Variants in PRPF4 observed in about 807,000 individuals in gnomAD.
The protein encoded by PRPF4 is U4/U6 small nuclear ribonucleoprotein Prp4.
Under a neutral mutation model 72.2 loss-of-function variants are expected in PRPF4, and 14 were observed. That is an observed-to-expected ratio of 0.19 (90% CI 0.13 to 0.30). PRPF4 has a LOEUF of 0.30. PRPF4 is among the 10% of genes least tolerant of loss of function. The pLI is 1.00. For missense variants in PRPF4, 478 were observed against 653.9 expected (o/e 0.73, Z 2.93); for synonymous variants, 225 against 232.2 (o/e 0.97, Z 0.28).
At chr9:113,276,834 TA>T (rs1588007365) in intron 2 of PRPF4, 109 bp downstream of exon 2, 5 of 1,237,492 alleles carry the variant, frequency 4.0e-6, no homozygotes, top group East Asian at 4.9e-5. Context: ...TTTTTTTTTT[TA>T]AACAGAGTCT....
chr9:113,281,005 T>C (rs2118603357), intron 3 of PRPF4, among the ~76,000 whole-genome samples: 1 of 152,230 alleles, frequency 6.6e-6, no homozygotes, highest in Admixed American at 6.5e-5. Context: ...CATGCCTGGC[T>C]AATTTCTGTA....
intron 2 of PRPF4, among the ~76,000 whole-genome samples, chr9:113,278,647 C>T (rs1406871280): frequency 1.3e-5 from 2 of 152,214 alleles, no homozygotes; most frequent in East Asian, 1.9e-4. Flanking sequence ...CTAGTTAACT[C>T]ATTTGCAAAA....
chr9:113,283,682 G>A (rs1370028305), intron 6 of PRPF4, among the ~76,000 whole-genome samples, 200 bp downstream of exon 6: 6 of 152,084 alleles, frequency 3.9e-5, no homozygotes, highest in Non-Finnish European at 7.4e-5. Context: ...GAGGCCTATG[G>A]TTCTATTCTT....
At chr9:113,277,624 G>C (rs1244729826) in intron 2 of PRPF4, among the ~76,000 whole-genome samples, 1 of 152,068 alleles carries the variant, frequency 6.6e-6, no homozygotes, top group Non-Finnish European at 1.5e-5. Flanking sequence ...GACCTCAAAT[G>C]ATCCGCCCAC....
chr9:113,282,353 TCC>T (rs1400380485), intron 3 of PRPF4, among the ~76,000 whole-genome samples: 1 of 151,950 alleles, frequency 6.6e-6, no homozygotes, highest in East Asian at 1.9e-4. Context: ...GTACATGTAG[TCC>T]CAGCCACTCG....
intron 3 of PRPF4, among the ~76,000 whole-genome samples, chr9:113,280,935 G>T (rs1832263014): frequency 6.6e-6 from 1 of 152,082 alleles, no homozygotes; most frequent in Admixed American, 6.5e-5. Context: ...CCACCTCCCA[G>T]GTACAAGCCA....
intron 9 of PRPF4, 24 bp downstream of exon 9, chr9:113,286,852 C>T (rs1188215303): frequency 1.2e-6 from 2 of 1,613,846 alleles, no homozygotes; most frequent in Admixed American, 3.3e-5. Context: ...TTCTGTGGCC[C>T]ATACTGCCAT....
intron 6 of PRPF4, 139 bp downstream of exon 6, chr9:113,283,621 AAGG>A (rs1319769395): frequency 1.3e-6 from 1 of 794,558 alleles, no homozygotes; most frequent in Non-Finnish European, 2.0e-6. Flanking sequence ...TGTGACATGG[AAGG>A]AGCCATCAGT....
At chr9:113,290,628 C>G in intron 11 of PRPF4, 40 bp downstream of exon 11, 1 of 1,614,112 alleles carries the variant, frequency 6.2e-7, no homozygotes, top group East Asian at 2.2e-5. Context: ...GTTCAGTACT[C>G]TCACCTCTTA....
intron 10 of PRPF4, 43 bp from the exon 11 acceptor site, chr9:113,290,423 A>G (rs771731199): frequency 6.2e-7 from 1 of 1,613,350 alleles, no homozygotes; most frequent in South Asian, 1.1e-5. Flanking sequence ...GTAGAAACTG[A>G]ATAAATATCA....
In PRPF4 at chr9:113,291,814, C is replaced by A; in HGVS notation, c.*154C>A. The A allele has an allele frequency of 1.3e-6, 1 of 773,856 alleles. No individual in the cohort carries two copies. The allele number at this position is 773,856 out of a possible 1,614,324, so 47.9% of individuals were successfully genotyped here. A position where few individuals can be genotyped will look rare whatever the true frequency, so the allele number is the denominator to read the frequency against. On this transcript the variant is annotated 3_prime_UTR_variant, in exon 14 of 14. Transcript: ENST00000374198. The stretch of plus-strand genomic sequence containing the variant: ...TTGGATTTCCATGTCAGCCCCCACT[C>A]CAGGAAGGCAGCCCAATCCCTAGGT...
chr9:113,289,604 T>A (rs1832550059), intron 10 of PRPF4, among the ~76,000 whole-genome samples: 1 of 152,238 alleles, frequency 6.6e-6, no homozygotes, highest in African/African-American at 2.4e-5. Flanking sequence ...CCTGGTTTTT[T>A]AAATTGTGTT....
chr9:113,288,004 C>G (rs972525216), intron 9 of PRPF4, among the ~76,000 whole-genome samples, 171 bp from the exon 10 acceptor site: 6 of 152,226 alleles, frequency 3.9e-5, no homozygotes, highest in African/African-American at 1.4e-4. Context: ...AATCCAGGTA[C>G]TCCTTTGGTG....
At chr9:113,278,908 G>A (rs764797086) in intron 2 of PRPF4, 37 bp from the exon 3 acceptor site, 25 of 1,598,768 alleles carry the variant, frequency 1.6e-5, no homozygotes, top group Non-Finnish European at 2.1e-5. Context: ...TCTATTTGAA[G>A]AAGATCTGCT....
intron 1 of PRPF4, among the ~76,000 whole-genome samples, chr9:113,276,193 C>T (rs1832088902): frequency 6.6e-6 from 1 of 152,236 alleles, no homozygotes; most frequent in African/African-American, 2.4e-5. Flanking sequence ...GTTATTTCAT[C>T]TATCCTTAGT....
At position 113,290,930 on chromosome 9, in the gene PRPF4, C is replaced by A; in HGVS notation, c.1286C>A (p.Thr429Asn). The A allele has an allele frequency of 6.2e-7, 1 of 1,614,200 alleles. No individual in the cohort carries two copies. The highest frequency in any genetic ancestry group is 8.5e-7 in the Non-Finnish European group (1 of 1,180,042). The change falls in exon 13 of 14, where the codon ACC (threonine) becomes AAC (asparagine). Residue 429 changes from threonine (T) to asparagine (N), a missense_variant. By Grantham distance (65) the Thr-to-Asn change is moderately conservative (BLOSUM62 0). Coordinates refer to ENST00000374198, the MANE Select transcript of PRPF4 (RefSeq NM_001244926.2). Reference sequence around the variant, plus strand: ...ATTGCAACCGGCAGTGGTGACAACACCTGCAAAGTGTGGGACCTCCGACAG... The same window carrying A: ...ATTGCAACCGGCAGTGGTGACAACAACTGCAAAGTGTGGGACCTCCGACAG... ...YHIATGSGDNTCKVWDLRQRR... is the reference protein window; with the variant it reads ...YHIATGSGDNNCKVWDLRQRR...
At chr9:113,286,941 C>T (rs933938541) in intron 9 of PRPF4, 113 bp downstream of exon 9, 10 of 1,447,652 alleles carry the variant, frequency 6.9e-6, no homozygotes, top group African/African-American at 1.4e-5. Flanking sequence ...CAGTGGCTCA[C>T]ACCTTAAGGC....
intron 5 of PRPF4, 53 bp downstream of exon 5, chr9:113,283,264 T>G: frequency 6.2e-7 from 1 of 1,614,038 alleles, no homozygotes; most frequent in Non-Finnish European, 8.5e-7. Flanking sequence ...GTGTGTTTCC[T>G]CTCAGGAACT....
At chr9:113,278,839 TAGAC>T (rs1193651149) in intron 2 of PRPF4, 102 bp from the exon 3 acceptor site, 14 of 1,091,858 alleles carry the variant, frequency 1.3e-5, no homozygotes, top group East Asian at 4.9e-5. Context: ...AAATGTGTAA[TAGAC>T]AGTTACTTTT....
Sources: gnomAD v4.1 joint callset for allele counts (sites outside exome capture counted in the v4.1 genomes callset) on GRCh38, gnomAD v4.1.1 for gene constraint, MANE v1.5 for transcripts, NCBI Gene and HGNC (gene_info 2026-07-23, HGNC 2026-07-21) for gene names.